Variants in NRG3 observed in about 807,000 individuals in gnomAD.
The protein encoded by NRG3 is pro-neuregulin-3, membrane-bound isoform.
A neutral mutation model predicts 66.9 loss-of-function variants in NRG3; 31 were observed. That is an observed-to-expected ratio of 0.46 (90% CI 0.35 to 0.63). NRG3 has a LOEUF of 0.63. Ranked by LOEUF, NRG3 falls within the 20% of genes least tolerant of loss-of-function variation. NRG3 has a pLI of 0.00. For missense variants in NRG3, 910 were observed against 878.9 expected (o/e 1.04, Z -0.45); for synonymous variants, 393 against 359.4 (o/e 1.09, Z -1.06).
At chr10:82,521,489 C>T (rs1846174204) in intron 2 of NRG3, among the ~76,000 whole-genome samples, 1 of 151,990 alleles carries the variant, frequency 6.6e-6, no homozygotes, top group South Asian at 2.1e-4. Flanking sequence ...CACACGCGCC[C>T]GCCACCACGC....
chr10:82,706,320 C>T (rs764911707), intron 2 of NRG3, among the ~76,000 whole-genome samples: 1 of 152,128 alleles, frequency 6.6e-6, no homozygotes. Context: ...AAGATGATTG[C>T]CTAGTTACCA....
At chr10:81,937,992 G>T (rs1279528124) in intron 1 of NRG3, among the ~76,000 whole-genome samples, 3 of 152,094 alleles carry the variant, frequency 2.0e-5, no homozygotes, top group African/African-American at 7.2e-5. Context: ...ATTTGTTGAA[G>T]AGACAGTCCT....
chr10:82,527,806 G>T (rs370205276), intron 2 of NRG3, among the ~76,000 whole-genome samples: 2 of 151,824 alleles, frequency 1.3e-5, no homozygotes, highest in African/African-American at 2.4e-5. Context: ...CCCTCTCTCC[G>T]TCTCTCCTTT....
intron 1 of NRG3, among the ~76,000 whole-genome samples, chr10:81,978,777 AACTGCT>A (rs1449013808): frequency 6.6e-6 from 1 of 151,990 alleles, no homozygotes; most frequent in African/African-American, 2.4e-5. Context: ...GTTTGTCTCA[AACTGCT>A]GGCCTCAAGT....
At chr10:81,958,774 A>G (rs1430622944) in intron 1 of NRG3, among the ~76,000 whole-genome samples, 1 of 152,084 alleles carries the variant, frequency 6.6e-6, no homozygotes, top group Non-Finnish European at 1.5e-5. Flanking sequence ...CTGTAATCCT[A>G]GCTACTTGGG....
At chr10:81,960,345 G>A (rs1409470786) in intron 1 of NRG3, among the ~76,000 whole-genome samples, 2 of 151,846 alleles carry the variant, frequency 1.3e-5, no homozygotes, top group Non-Finnish European at 1.5e-5. Flanking sequence ...TAATGTTGTG[G>A]CCTTTTTAGG....
At chr10:82,666,997 T>G (rs2134005507) in intron 2 of NRG3, among the ~76,000 whole-genome samples, 1 of 152,344 alleles carries the variant, frequency 6.6e-6, no homozygotes, top group Admixed American at 6.5e-5. Flanking sequence ...CATTTCCATC[T>G]TTGGGAGTTT....
intron 1 of NRG3, among the ~76,000 whole-genome samples, chr10:82,052,255 T>C (rs1411392027): frequency 6.6e-6 from 1 of 152,158 alleles, no homozygotes; most frequent in African/African-American, 2.4e-5. Context: ...TTCCTAAAAA[T>C]ACCTGAACTT....
chr10:82,539,487 C>T (rs1290539496), intron 2 of NRG3, among the ~76,000 whole-genome samples: 2 of 152,156 alleles, frequency 1.3e-5, no homozygotes, highest in Non-Finnish European at 2.9e-5. Flanking sequence ...GTGCCAGGGA[C>T]ATGAATGCTA....
intron 2 of NRG3, among the ~76,000 whole-genome samples, chr10:82,721,574 C>T (rs193143812): frequency 6.6e-6 from 1 of 152,250 alleles, no homozygotes; most frequent in South Asian, 2.1e-4. Context: ...AGGCACCCTC[C>T]GCCACACCTG....
chr10:82,138,513 A>G (rs1823535527), intron 1 of NRG3, among the ~76,000 whole-genome samples: 1 of 152,178 alleles, frequency 6.6e-6, no homozygotes, highest in South Asian at 2.1e-4. Context: ...TATGAAGTGT[A>G]TTAGTCAGGT....
chr10:82,649,687 T>C (rs148672299), intron 2 of NRG3, among the ~76,000 whole-genome samples: 1,563 of 151,838 alleles, frequency 0.01, 25 homozygotes, highest in African/African-American at 0.036. Flanking sequence ...CTCCTGACCT[T>C]AGGTGATCTG....
At chr10:82,954,979 T>C (rs1456169796) in intron 5 of NRG3, among the ~76,000 whole-genome samples, 1 of 151,918 alleles carries the variant, frequency 6.6e-6, no homozygotes, top group Non-Finnish European at 1.5e-5. Context: ...TCTTCCAGGA[T>C]TCTAAGGCCT....
chr10:82,625,127 T>C (rs981619596), intron 2 of NRG3, among the ~76,000 whole-genome samples: 2 of 151,922 alleles, frequency 1.3e-5, no homozygotes, highest in Admixed American at 6.6e-5. Flanking sequence ...TCCTCTAATC[T>C]TCCAGCAACC....
chr10:82,523,742 T>G (rs572601463), intron 2 of NRG3, among the ~76,000 whole-genome samples: 1 of 152,260 alleles, frequency 6.6e-6, no homozygotes, highest in African/African-American at 2.4e-5. Context: ...TCACCTTACA[T>G]AACTCAAAAG....
chr10:82,451,433 A>T (rs2136581488), intron 2 of NRG3, among the ~76,000 whole-genome samples: 1 of 152,318 alleles, frequency 6.6e-6, no homozygotes, highest in African/African-American at 2.4e-5. Flanking sequence ...CATGATGAAT[A>T]GGGAGAATTC....
At chr10:81,908,394 T>G (rs1844798308) in intron 1 of NRG3, among the ~76,000 whole-genome samples, 1 of 152,156 alleles carries the variant, frequency 6.6e-6, no homozygotes, top group Non-Finnish European at 1.5e-5. Context: ...GTGGGGAATG[T>G]CTATACCTTT....
At chr10:82,704,539 T>A (rs954408860) in intron 2 of NRG3, among the ~76,000 whole-genome samples, 1 of 152,198 alleles carries the variant, frequency 6.6e-6, no homozygotes, top group Non-Finnish European at 1.5e-5. Context: ...GAGGAACTTG[T>A]ACTAGTTTGG....
At chr10:82,020,019 A>C (rs1252533696) in intron 1 of NRG3, among the ~76,000 whole-genome samples, 2 of 151,836 alleles carry the variant, frequency 1.3e-5, no homozygotes, top group African/African-American at 4.8e-5. Context: ...AGTTCTTTTA[A>C]TTGTGATGTT....
Sources: gnomAD v4.1 joint callset for allele counts (sites outside exome capture counted in the v4.1 genomes callset) on GRCh38, gnomAD v4.1.1 for gene constraint, MANE v1.5 for transcripts, NCBI Gene and HGNC (gene_info 2026-07-23, HGNC 2026-07-21) for gene names.